Variants in WDR25 observed in about 807,000 individuals in gnomAD.
WDR25 encodes the protein WD repeat domain 25.
WDR25 carries 35 observed loss-of-function variants against 47.7 expected under a neutral mutation model. The ratio of observed to expected loss-of-function variants is 0.73; its 90% CI spans 0.56 to 0.97. The LOEUF (loss-of-function observed/expected upper bound fraction) is 0.97, where lower values mean the gene tolerates loss of function less well. Ranked by LOEUF, WDR25 falls within the 50% of genes least tolerant of loss-of-function variation. WDR25 has a pLI of 0.00. For missense variants in WDR25, 634 were observed against 704.7 expected (o/e 0.90, Z 1.14); for synonymous variants, 248 against 278.9 (o/e 0.89, Z 1.10).
chr14:100,384,815 G>A (rs1200614689), intron 2 of WDR25, among the ~76,000 whole-genome samples: 1 of 152,180 alleles, frequency 6.6e-6, no homozygotes, highest in Non-Finnish European at 1.5e-5. Flanking sequence ...GCCCCTGCTG[G>A]ATCAGGAAGG....
intron 2 of WDR25, among the ~76,000 whole-genome samples, chr14:100,463,878 C>T (rs953281822): frequency 1.4e-4 from 21 of 152,242 alleles, no homozygotes; most frequent in Middle Eastern, 3.4e-3. Flanking sequence ...GTTGGTTCTA[C>T]CCTCCAAGGC....
intron 1 of WDR25, among the ~76,000 whole-genome samples, chr14:100,377,671 CG>C (rs1896747113): frequency 1.3e-5 from 2 of 151,918 alleles, no homozygotes; most frequent in African/African-American, 4.8e-5. Context: ...GGGCTGCGAA[CG>C]GGGGCGGCAT....
rs1896881635 is a variant in WDR25, at chr14:100,381,185, T to C, written c.261T>C (p.Asp87=). The C allele has an allele frequency of 6.2e-7, 1 of 1,614,054 alleles. No individual in the cohort carries two copies. Among genetic ancestry groups the C allele is most frequent in the Non-Finnish European group, 8.5e-7 (1 of 1,179,994 alleles). Residue 87 remains aspartate, a synonymous_variant, in exon 2 of 7, where the codon GAT becomes GAC. Transcript: ENST00000402312. ...RLPLAQLGRS[D]WGSCPSQRLQ... is the part of the protein sequence containing the mutation. ...CATTGGCTCAGCTTGGGAGAAGCGA[T>C]TGGGGATCTTGCCCCAGCCAGAGGC...
intron 2 of WDR25, among the ~76,000 whole-genome samples, chr14:100,456,978 G>A (rs969409159): frequency 6.6e-6 from 1 of 151,482 alleles, no homozygotes; most frequent in Admixed American, 6.6e-5. Flanking sequence ...TTTTTTTTGA[G>A]ACGGAGTCGC....
rs926068838 is a variant in WDR25, at chr14:100,502,907, A to T, written c.1101+18783A>T. The stretch of plus-strand genomic sequence containing the variant: ...ACTAAAGGGCACAACATATGAGGGA[A>T]TGGTGAGGGTTTTTTGTTGCTGGAG... On this transcript the variant is annotated intron_variant, in intron 4 of 6. Coordinates refer to ENST00000402312, the MANE Select transcript of WDR25 (RefSeq NM_001161476.3). This position sits in a 1 kb window ranked among gnomAD's most constrained non-coding sequence, Gnocchi z 4.5. Among the ~76,000 whole-genome samples, 9 of 152,124 alleles carry T rather than the reference A, an allele frequency of 5.9e-5. 1 individual carries two copies. The highest frequency in any genetic ancestry group is 2.2e-4 in the African/African-American group (9 of 41,532).
intron 4 of WDR25, among the ~76,000 whole-genome samples, chr14:100,489,035 G>C (rs1900478248): frequency 1.3e-5 from 2 of 152,210 alleles, no homozygotes; most frequent in African/African-American, 4.8e-5. Context: ...CAACCTCAGG[G>C]GCAGTGGCCA....
chr14:100,392,394 GTGA>G lies in WDR25; in HGVS notation c.822+10652_822+10654del, dbSNP rs1368246253. ...CTGCTTGGTTAGCTCTCCAAACTGT[GTGA>G]TGAAAACGTGATCCCAGGGGTCCAA... is the stretch of plus-strand genomic sequence containing the variant. On this transcript the variant is annotated intron_variant, in intron 2 of 6. Coordinates refer to ENST00000402312, the MANE Select transcript of WDR25 (RefSeq NM_001161476.3). The surrounding 1 kb of genome is among the most constrained non-coding windows in gnomAD (Gnocchi z 4.2). 2.0e-5 allele frequency among the ~76,000 whole-genome samples: 3 copies of G among 151,612 alleles called. No homozygotes were observed. Among genetic ancestry groups the G allele is most frequent in the African/African-American group, 7.3e-5 (3 of 41,248 alleles).
intron 4 of WDR25, among the ~76,000 whole-genome samples, chr14:100,520,127 A>G (rs1198045449): frequency 1.3e-5 from 2 of 149,200 alleles, no homozygotes; most frequent in Admixed American, 6.7e-5. Flanking sequence ...TCTATTATCT[A>G]TGTCACTTCT....
intron 1 of WDR25, among the ~76,000 whole-genome samples, chr14:100,378,680 C>CTTTCCCACCATGGATCCT (rs1239205526): frequency 3.8e-5 from 1 of 26,020 alleles, no homozygotes; most frequent in African/African-American, 7.5e-5. Context: ...CCAGGCAGGC[C>CTTTCCCACCATGGATCCT]GGGCGCGGTG....
chr14:100,520,671 T>C (rs1430509585), intron 4 of WDR25, among the ~76,000 whole-genome samples: 2 of 152,122 alleles, frequency 1.3e-5, no homozygotes, highest in Non-Finnish European at 2.9e-5. Flanking sequence ...AAGAAGACAA[T>C]GCATTTATTA....
chr14:100,384,001 G>A (rs1320087829), intron 2 of WDR25, among the ~76,000 whole-genome samples: 5 of 152,190 alleles, frequency 3.3e-5, no homozygotes, highest in African/African-American at 9.6e-5. Context: ...GGGGCCAGGC[G>A]CCGCAGCTGT....
At position 100,468,260 on chromosome 14, in the gene WDR25, G is replaced by A. The variant is rs551230616; in HGVS notation, c.970+92G>A. On this transcript the variant is annotated intron_variant, in intron 3 of 6. Transcript: ENST00000402312. The surrounding 1 kb of genome is among the most constrained non-coding windows in gnomAD (Gnocchi z 4.5). ...GGGCACGCAGCCACAAGCTGTATACGCTTGCGTGGCAGAGGGAGAGGGGCC... is the reference window on the plus strand; with the variant it reads ...GGGCACGCAGCCACAAGCTGTATACACTTGCGTGGCAGAGGGAGAGGGGCC... 8.6e-6 allele frequency: 13 copies of A among 1,513,746 alleles called. No homozygotes were observed. The highest frequency in any genetic ancestry group is 1.4e-5 in the African/African-American group (1 of 72,634). The allele number at this position is 1,513,746 out of a possible 1,614,324, so 93.8% of individuals were successfully genotyped here.
chr14:100,380,097 G>A (rs1367310752), intron 1 of WDR25, among the ~76,000 whole-genome samples: 2 of 150,738 alleles, frequency 1.3e-5, no homozygotes, highest in African/African-American at 4.9e-5. Flanking sequence ...ACCCAGGCTG[G>A]AGTGCAGTGG....
chr14:100,414,906 A>G (rs866096561), intron 2 of WDR25, among the ~76,000 whole-genome samples: 1,917 of 149,954 alleles, frequency 0.013, 46 homozygotes, highest in African/African-American at 0.044. Flanking sequence ...TCCATCTCAA[A>G]AAAAAAAAAA....
chr14:100,413,441 T>G (rs1044297929), intron 2 of WDR25, among the ~76,000 whole-genome samples: 1 of 148,412 alleles, frequency 6.7e-6, no homozygotes, highest in Non-Finnish European at 1.5e-5. Flanking sequence ...TGAGACGGAG[T>G]CTCGCTCTGT....
At chr14:100,509,730 A>T (rs1162868791) in intron 4 of WDR25, among the ~76,000 whole-genome samples, 4 of 152,212 alleles carry the variant, frequency 2.6e-5, no homozygotes, top group African/African-American at 9.6e-5. Context: ...GTTTACTTCT[A>T]GAAGTTGTAT....
At chr14:100,411,560 A>G (rs1753714649) in intron 2 of WDR25, among the ~76,000 whole-genome samples, 1 of 147,824 alleles carries the variant, frequency 6.8e-6, no homozygotes, top group African/African-American at 2.5e-5. Context: ...TTCTCGAGAT[A>G]GAGTCTTGCT....
chr14:100,476,081 C>A (rs528157769), intron 3 of WDR25, among the ~76,000 whole-genome samples: 1 of 152,338 alleles, frequency 6.6e-6, no homozygotes, highest in Admixed American at 6.5e-5. Flanking sequence ...TATCAGTTGT[C>A]TGGGGCTTAG....
intron 4 of WDR25, among the ~76,000 whole-genome samples, chr14:100,509,712 GC>G (rs1901236319): frequency 1.3e-5 from 2 of 152,046 alleles, no homozygotes; most frequent in South Asian, 4.2e-4. Context: ...AAGTTTTTGT[GC>G]CCCTGTGTTT....
Sources: allele counts gnomAD v4.1 joint callset (sites outside exome capture counted in the v4.1 genomes callset), GRCh38; gene constraint gnomAD v4.1.1; non-coding constraint Gnocchi (gnomAD v3.1); transcripts MANE v1.5; gene names NCBI Gene and HGNC (gene_info 2026-07-23, HGNC 2026-07-21).